Variants in ERBB4 observed in about 807,000 individuals in gnomAD.
The protein encoded by ERBB4 is erb-b2 receptor tyrosine kinase 4.
Under a neutral mutation model 158.0 loss-of-function variants are expected in ERBB4, and 42 were observed. The observed-to-expected ratio is 0.27, with a 90% CI of 0.21 to 0.34. ERBB4 has a LOEUF of 0.34. Among genes scored for constraint, ERBB4 ranks in the 10% least tolerant of loss-of-function variants. The probability of loss-of-function intolerance (pLI) is 1.00; values close to 1 mark genes in which losing one functional copy is unlikely to be tolerated. For synonymous variants in ERBB4, 583 were observed against 558.7 expected (o/e 1.04, Z -0.61); for missense variants, 1,333 against 1,624.1 (o/e 0.82, Z 3.08).
chr2:212,064,973 TAAC>T (rs1353445426), intron 2 of ERBB4, among the ~76,000 whole-genome samples: 2 of 149,762 alleles, frequency 1.3e-5, no homozygotes, highest in African/African-American at 4.9e-5. Flanking sequence ...TCCACCACCA[TAAC>T]AACATCTTTA....
chr2:212,327,854 C>A, intron 1 of ERBB4, among the ~76,000 whole-genome samples: 1 of 34,600 alleles, frequency 2.9e-5, no homozygotes. Context: ...TAAAGTATTC[C>A]TCCAAAAAGT....
rs79973730 is a variant in ERBB4, at chr2:211,991,632, C to T, written c.235-44016G>A. Among the ~76,000 whole-genome samples, 1,131 of 152,002 alleles carry T rather than the reference C, an allele frequency of 7.4e-3. 15 individuals carry two copies. The highest frequency in any genetic ancestry group is 0.026 in the African/African-American group (1,077 of 41,464). ...CTTAGAAGGTAAATCCAGGGGAGAA[C>T]GACTATTGTAAAAATGTTTAATTAC... On this transcript the variant is annotated intron_variant, in intron 2 of 27. Coordinates refer to ENST00000342788, the MANE Select transcript of ERBB4 (RefSeq NM_005235.3).
chr2:211,902,296 C>T (rs768077921), intron 3 of ERBB4, among the ~76,000 whole-genome samples: 2 of 151,804 alleles, frequency 1.3e-5, no homozygotes, highest in African/African-American at 2.4e-5. Flanking sequence ...AACGGTATAA[C>T]GGTATTTTAA....
rs200040502 is a variant in ERBB4 at position 212,373,950 on chromosome 2, T to TCCATATATATATCCATATATATC, written c.82+164498_82+164499insGATATATATGGATATATATATGG. On this transcript the variant is annotated intron_variant, in intron 1 of 27. Coordinates refer to ENST00000342788, the MANE Select transcript of ERBB4 (RefSeq NM_005235.3). ...ATATCCATATATATCCATATATATA[T>TCCATATATATATCCATATATATC]CATATATATATCCATATATATCCAT... Among the ~76,000 whole-genome samples, 64 of 64,568 alleles carry TCCATATATATATCCATATATATC rather than the reference T, an allele frequency of 9.9e-4. 6 individuals are homozygous for TCCATATATATATCCATATATATC. The highest frequency in any genetic ancestry group is 1.5e-3 in the African/African-American group (22 of 14,414). 42.4% of individuals were successfully genotyped at this position (64,568 alleles called of 152,430 possible).
chr2:211,562,482 T>C (rs2067423872), intron 19 of ERBB4, among the ~76,000 whole-genome samples: 1 of 152,194 alleles, frequency 6.6e-6, no homozygotes, highest in Non-Finnish European at 1.5e-5. Flanking sequence ...ATTTAGTTAG[T>C]TGCAGGTAGA....
intron 2 of ERBB4, among the ~76,000 whole-genome samples, chr2:212,115,493 T>C (rs913428579): frequency 2.0e-5 from 3 of 152,230 alleles, no homozygotes; most frequent in African/African-American, 7.2e-5. Context: ...ATTGCCAATA[T>C]ACTTCTTTAA....
intron 2 of ERBB4, among the ~76,000 whole-genome samples, chr2:212,005,404 T>C (rs2076236814): frequency 6.6e-6 from 1 of 151,736 alleles, no homozygotes; most frequent in Non-Finnish European, 1.5e-5. Context: ...TAAGCACAAA[T>C]AATAAGAAAA....
At chr2:212,215,546 A>G (rs1296701657) in intron 1 of ERBB4, among the ~76,000 whole-genome samples, 1 of 149,768 alleles carries the variant, frequency 6.7e-6, no homozygotes, top group Non-Finnish European at 1.5e-5. Flanking sequence ...AAATAATAAC[A>G]TGAAGAATAA....
In ERBB4 at chr2:211,428,465, C is replaced by A; in HGVS notation, c.2662G>T (p.Ala888Ser). The change falls in exon 22 of 28, where the codon GCT becomes TCT. Residue 888 changes from alanine to serine, a missense_variant. Physicochemically the swap from Ala to Ser is moderately conservative, Grantham distance 99. This residue lies in a region of ERBB4 where 314 missense variants were observed against 437.6 expected (regional missense o/e 0.72). Coordinates refer to ENST00000342788, the MANE Select transcript of ERBB4 (RefSeq NM_005235.3). ...TTCCTGTAATGTATACACTCCAGAG[C>A]CATCCATTTAATTGGCATCTATAGA... The part of the protein sequence containing the change: ...DGGKMPIKWM[A>S]LECIHYRKFT... 1 of 1,575,034 alleles carries A rather than the reference C, an allele frequency of 6.3e-7. No individual in the cohort carries two copies. The highest frequency in any genetic ancestry group is 2.2e-5 in the East Asian group (1 of 44,500).
chr2:212,177,872 C>G (rs1389347919), intron 1 of ERBB4, among the ~76,000 whole-genome samples: 1 of 151,672 alleles, frequency 6.6e-6, no homozygotes, highest in African/African-American at 2.4e-5. Context: ...AAGAGGGGGT[C>G]ATGGAGGATA....
chr2:212,524,974 T>C (rs1560553421), intron 1 of ERBB4, among the ~76,000 whole-genome samples: 2 of 152,000 alleles, frequency 1.3e-5, no homozygotes, highest in African/African-American at 4.8e-5. Context: ...ACTCTTTACT[T>C]GTTTGATTGG....
chr2:211,893,293 AAAAC>A (rs2079015739), intron 3 of ERBB4, among the ~76,000 whole-genome samples: 1 of 144,806 alleles, frequency 6.9e-6, no homozygotes, highest in Non-Finnish European at 1.5e-5. Flanking sequence ...AAACCTGAGA[AAAAC>A]AAGCAAGGGG....
intron 1 of ERBB4, among the ~76,000 whole-genome samples, chr2:212,441,351 G>A (rs1002841500): frequency 6.6e-6 from 1 of 152,170 alleles, no homozygotes; most frequent in Non-Finnish European, 1.5e-5. Context: ...GGGAGGCAAT[G>A]GTGATAGCCT....
intron 20 of ERBB4, among the ~76,000 whole-genome samples, chr2:211,537,217 G>A (rs1041634622): frequency 5.8e-4 from 88 of 151,770 alleles, no homozygotes; most frequent in Non-Finnish European, 2.1e-4. Flanking sequence ...TATCCCAATG[G>A]TAAAGATATT....
rs185876906 is a variant in ERBB4 at position 211,386,317 on chromosome 2, G to T, written c.3481+536C>A. Among the ~76,000 whole-genome samples, 346 of 152,090 alleles carry T rather than the reference G, an allele frequency of 2.3e-3. 5 individuals carry two copies. Among genetic ancestry groups the T allele is most frequent in the East Asian group, 7.1e-3 (37 of 5,182 alleles). ...TGGTATGCTTGTAAGTATATACAGG[G>T]TCAAACCTTTAATTTTTGAAAAACG... On this transcript the variant is annotated intron_variant, in intron 27 of 27. Transcript: ENST00000342788.
chr2:211,748,555 T>C (rs924079724), intron 5 of ERBB4, among the ~76,000 whole-genome samples: 1 of 152,028 alleles, frequency 6.6e-6, no homozygotes, highest in African/African-American at 2.4e-5. Context: ...CTAAGCTCCT[T>C]CCTCCCTCAG....
chr2:211,603,095 G>C (rs2068849711), intron 19 of ERBB4, among the ~76,000 whole-genome samples: 1 of 152,146 alleles, frequency 6.6e-6, no homozygotes, highest in African/African-American at 2.4e-5. Flanking sequence ...GCTGGGCATA[G>C]TGGCACACAC....
intron 5 of ERBB4, among the ~76,000 whole-genome samples, chr2:211,748,032 G>C (rs1034980053): frequency 1.3e-5 from 2 of 151,494 alleles, no homozygotes; most frequent in Non-Finnish European, 2.9e-5. Flanking sequence ...TACGTAAATA[G>C]ATGTTATAAT....
chr2:211,924,608 G>T (rs2079965796), intron 3 of ERBB4, among the ~76,000 whole-genome samples: 3 of 152,050 alleles, frequency 2.0e-5, no homozygotes, highest in Admixed American at 6.5e-5. Context: ...TTTAGAGGGT[G>T]AAACAAAGAT....
Sources: gnomAD v4.1 joint callset for allele counts (sites outside exome capture counted in the v4.1 genomes callset) on GRCh38, gnomAD v4.1.1 for gene constraint, gnomAD v4.1.1 regional missense constraint, MANE v1.5 for transcripts, NCBI Gene and HGNC (gene_info 2026-07-23, HGNC 2026-07-21) for gene names.